The following MAPK12 variants were observed in gnomAD, a reference collection of about 807,000 sequenced individuals.
MAPK12 encodes the protein mitogen-activated protein kinase 12, also known as MAP kinase 12.
MAPK12 carries 49 observed loss-of-function variants against 49.1 expected under a neutral mutation model. That is an observed-to-expected ratio of 1.00 (90% CI 0.79 to 1.27). The LOEUF (loss-of-function observed/expected upper bound fraction) is 1.27. Ranked by LOEUF, MAPK12 falls within the 50% of genes most tolerant of loss-of-function variation. The pLI, the probability that MAPK12 is intolerant of heterozygous loss-of-function variation, is 0.00. For missense variants in MAPK12, 554 were observed against 502.4 expected (o/e 1.10, Z -0.98); for synonymous variants, 251 against 209.7 (o/e 1.20, Z -1.70).
chr22:50,254,938 C>G (rs1431320586), intron 11 of MAPK12: 2 of 1,372,804 alleles, frequency 1.5e-6, no homozygotes, highest in Admixed American at 6.0e-5. Flanking sequence ...GAGGTCATCT[C>G]CACCAGGCCA....
At chr22:50,255,426 G>A (rs372344373) in intron 10 of MAPK12, 27 bp downstream of exon 10, 28 of 1,612,748 alleles carry the variant, frequency 1.7e-5, no homozygotes, top group South Asian at 1.6e-4. Context: ...TCCAGCACCC[G>A]GTGGCCCCCA....
At chr22:50,253,778 G>A in intron 11 of MAPK12, 2 of 475,982 alleles carry the variant, frequency 4.2e-6, no homozygotes, top group Non-Finnish European at 7.6e-6. Context: ...TATGGCCCAT[G>A]GCTTTCAAGT....
intron 2 of MAPK12, among the ~76,000 whole-genome samples, chr22:50,259,497 A>G (rs1833841112): frequency 6.6e-6 from 1 of 152,128 alleles, no homozygotes. Context: ...ATGGGGTTCC[A>G]GGGAAAGAGC....
intron 2 of MAPK12, 151 bp from the exon 3 acceptor site, chr22:50,258,452 G>A: frequency 1.4e-6 from 1 of 711,408 alleles, no homozygotes; most frequent in Non-Finnish European, 2.5e-6. Context: ...CCCACTGGCA[G>A]TGTGGCCCAG....
In MAPK12 at chr22:50,255,599, C is replaced by G. The variant is rs2065141463; in HGVS notation, c.771+16G>C. On this transcript the variant is annotated intron_variant, in intron 9 of 11. Transcript: ENST00000215659. ...GTCCGCCCCCACCCCCACCCAGCTC[C>G]CCACTCACCCCTTACCTCATCGCTC... The G allele has an allele frequency of 2.5e-6, 4 of 1,612,332 alleles. No homozygotes were observed. Among genetic ancestry groups the G allele is most frequent in the African/African-American group, 2.7e-5 (2 of 74,908 alleles).
intron 11 of MAPK12, chr22:50,254,940 A>T (rs943509115): frequency 2.5e-5 from 35 of 1,375,108 alleles, no homozygotes; most frequent in East Asian, 1.5e-4. Context: ...GGTCATCTCC[A>T]CCAGGCCACA....
intron 2 of MAPK12, 29 bp from the exon 3 acceptor site, chr22:50,258,330 C>G: frequency 6.2e-7 from 1 of 1,600,792 alleles, no homozygotes; most frequent in Non-Finnish European, 8.6e-7. Context: ...GTTGAGAATG[C>G]AGCAGAGGAC....
Position 50,260,834 on chromosome 22 carries a change from G to A in MAPK12, c.255+333C>T, listed in dbSNP as rs546304035. The A allele has an allele frequency of 3.0e-4, 61 of 200,818 alleles. No individual in the cohort carries two copies. In the East Asian group the frequency reaches 6.6e-3, roughly 22 times the overall value. The allele number at this position is 200,818 out of a possible 1,614,324, so 12.4% of individuals were successfully genotyped here. ...CGCCGGGAGCATGCTCTCACCGCGGGCTTCCTGGCTGGGGGCAAGGCTTGG... is the reference window on the plus strand; with the variant it reads ...CGCCGGGAGCATGCTCTCACCGCGGACTTCCTGGCTGGGGGCAAGGCTTGG... On this transcript the variant is annotated intron_variant, in intron 2 of 11. Transcript: ENST00000215659.
Position 50,256,582 on chromosome 22 carries a change from TG to T in MAPK12, c.504+16del. 1 of 1,609,304 alleles carries T rather than the reference TG, an allele frequency of 6.2e-7. No individual in the cohort carries two copies. Among genetic ancestry groups the T allele is most frequent in the Non-Finnish European group, 8.5e-7 (1 of 1,177,952 alleles). On this transcript the variant is annotated intron_variant, in intron 6 of 11. Coordinates refer to ENST00000215659, the MANE Select transcript of MAPK12 (RefSeq NM_002969.6). ...GCCCCTGCCCCACCTCAGGGCCCCC[TG>T]CCAGGCAGCACACACCTTCAGCTCA...
intron 8 of MAPK12, 26 bp from the exon 9 acceptor site, chr22:50,255,720 C>A: frequency 6.2e-7 from 1 of 1,609,654 alleles, no homozygotes; most frequent in Non-Finnish European, 8.5e-7. Context: ...GAACACAGCT[C>A]GGGGGCCAGA....
chr22:50,256,151 A>G lies in MAPK12; in HGVS notation c.553T>C (p.Tyr185His). 1 of 1,612,726 alleles carries G rather than the reference A, an allele frequency of 6.2e-7. No individual in the cohort carries two copies. The highest frequency in any genetic ancestry group is 8.5e-7 in the Non-Finnish European group (1 of 1,179,914). Residue 185 changes from tyrosine to histidine, a missense_variant, in exon 7 of 12, where the codon TAC (tyrosine) becomes CAC (histidine). Physicochemically the swap from Tyr to His is moderately conservative, Grantham distance 83. Coordinates refer to ENST00000215659, the MANE Select transcript of MAPK12 (RefSeq NM_002969.6). Reference sequence around the variant, plus strand: ...GCCCGGTACCACCGGGTCACCACGTACCCAGTCATCTCACTGTCTGCCTGC... The same window carrying G: ...GCCCGGTACCACCGGGTCACCACGTGCCCAGTCATCTCACTGTCTGCCTGC... ...ARQADSEMTGYVVTRWYRAPE... is the reference protein window; with the variant it reads ...ARQADSEMTGHVVTRWYRAPE...
chr22:50,261,153 G>T lies in MAPK12; in HGVS notation c.255+14C>A. On this transcript the variant is annotated intron_variant, in intron 2 of 11. Transcript: ENST00000215659. ...GGCCGCGGCGCCTTCCCGGAGCGGG[G>T]CCGCGCGACTCACGTTCTCGTGGCG... 1 of 1,574,366 alleles carries T rather than the reference G, an allele frequency of 6.4e-7. No individual in the cohort carries two copies. Among genetic ancestry groups the T allele is most frequent in the African/African-American group, 1.4e-5 (1 of 72,320 alleles).
chr22:50,261,564 C>A lies in MAPK12; in HGVS notation c.-55G>T, dbSNP rs1023163247. 2.4e-5 allele frequency: 25 copies of A among 1,026,876 alleles called. No homozygotes were observed. The African/African-American group carries it at 3.5e-4, about 14-fold the overall frequency. 63.6% of individuals were successfully genotyped at this position (1,026,876 alleles called of 1,614,324 possible). On this transcript the variant is annotated 5_prime_UTR_variant, in exon 1 of 12. Transcript: ENST00000215659. ...AGCCTGCGGGCGGTGCCCCCACGAC[C>A]GGGGACGGGGCTCCCTCGGCGCGCG... is the stretch of plus-strand genomic sequence containing the variant.
intron 11 of MAPK12, 26 bp downstream of exon 11, chr22:50,255,171 G>C: frequency 6.2e-7 from 1 of 1,612,694 alleles, no homozygotes; most frequent in South Asian, 1.1e-5. Flanking sequence ...GGTCCACACA[G>C]GCCGTGCCAG....
In MAPK12 at chr22:50,261,179, C is replaced by T. The variant is rs1477889223; in HGVS notation, c.243G>A (p.Met81Ile). Residue 81 changes from methionine (M) to isoleucine (I), a missense_variant, in exon 2 of 12, where the codon ATG becomes ATA. By Grantham distance (10) the Met-to-Ile change is conservative (BLOSUM62 1). Coordinates refer to ENST00000215659, the MANE Select transcript of MAPK12 (RefSeq NM_002969.6). ...AYRELRLLKH[M>I]RHENVIGLLD... ...CCGCGCGACTCACGTTCTCGTGGCG[C>T]ATGTGCTTGAGCAGGCGCAGCTCGC... The T allele has an allele frequency of 1.2e-5, 19 of 1,591,130 alleles. No individual in the cohort carries two copies. The Middle Eastern group carries it at 1.3e-3, about 112-fold the overall frequency.
At chr22:50,253,502 G>GGGAGGT in intron 11 of MAPK12, 22 bp from the exon 12 acceptor site, 2 of 171,686 alleles carry the variant, frequency 1.2e-5, no homozygotes, top group South Asian at 4.5e-5. Flanking sequence ...GGGGGGGCGG[G>GGGAGGT]CACAACAGAG....
intron 3 of MAPK12, chr22:50,257,694 AT>A (rs797011277): frequency 2.0e-5 from 12 of 605,452 alleles, no homozygotes; most frequent in African/African-American, 1.8e-4. Context: ...GGAGAATGGT[AT>A]TTAGCACCTT....
chr22:50,256,676 C>T (rs1260100929), intron 5 of MAPK12, 30 bp from the exon 6 acceptor site: 2 of 1,594,790 alleles, frequency 1.3e-6, no homozygotes, highest in African/African-American at 1.3e-5. Context: ...GGCCACTGTG[C>T]CCCACCCTCC....
chr22:50,259,391 G>A (rs1424825244), intron 2 of MAPK12, among the ~76,000 whole-genome samples: 1 of 152,154 alleles, frequency 6.6e-6, no homozygotes, highest in Non-Finnish European at 1.5e-5. Flanking sequence ...CTGGCCTGGA[G>A]AGGGAGGCGG....
Sources: allele counts gnomAD v4.1 joint callset (sites outside exome capture counted in the v4.1 genomes callset), GRCh38; gene constraint gnomAD v4.1.1; transcripts MANE v1.5; gene names NCBI Gene and HGNC (gene_info 2026-07-23, HGNC 2026-07-21).